Variants in ZFPM2 observed in about 807,000 individuals in gnomAD.
The protein encoded by ZFPM2 is zinc finger protein, FOG family member 2.
ZFPM2 carries 20 observed loss-of-function variants against 98.6 expected under a neutral mutation model. That is an observed-to-expected ratio of 0.20 (90% CI 0.14 to 0.29). The LOEUF (loss-of-function observed/expected upper bound fraction) is 0.29. Ranked by LOEUF, ZFPM2 falls within the 10% of genes least tolerant of loss-of-function variation. ZFPM2 has a pLI of 1.00. For missense variants in ZFPM2, 1,310 were observed against 1,388.6 expected, an observed-to-expected ratio of 0.94 and a Z score of 0.90; for synonymous variants, 518 against 502.7, an observed-to-expected ratio of 1.03 and a Z score of -0.41.
intron 1 of ZFPM2, among the ~76,000 whole-genome samples, chr8:105,411,964 T>C (rs546101959): frequency 2.0e-5 from 3 of 151,988 alleles, no homozygotes; most frequent in South Asian, 2.1e-4. Flanking sequence ...GGCTTGCACA[T>C]GTTCTAAGAA....
At chr8:105,330,617 T>TATATATAC (rs1563606955) in intron 1 of ZFPM2, among the ~76,000 whole-genome samples, 1 of 58,870 alleles carries the variant, frequency 1.7e-5, no homozygotes, top group African/African-American at 1.0e-4. Flanking sequence ...TATACACATA[T>TATATATAC]ATATATATAT....
chr8:105,629,575 T>C (rs560042671), intron 4 of ZFPM2, among the ~76,000 whole-genome samples: 1 of 152,284 alleles, frequency 6.6e-6, no homozygotes, highest in East Asian at 1.9e-4. Context: ...ATCAGAAATA[T>C]GAGTACAGAT....
intron 4 of ZFPM2, among the ~76,000 whole-genome samples, chr8:105,606,939 C>T (rs999758950): frequency 7.2e-5 from 11 of 152,082 alleles, no homozygotes; most frequent in Admixed American, 6.6e-4. Flanking sequence ...ATAAGTTTGT[C>T]TTCAACTGGC....
rs993960953 is a variant in ZFPM2, at chr8:105,568,157, T to TA, written c.420+6683dup. On this transcript the variant is annotated intron_variant, in intron 4 of 7. Coordinates refer to ENST00000407775, the MANE Select transcript of ZFPM2 (RefSeq NM_012082.4). ...TACTAATTTACAAATGACATTTAAATAAAAAAATCTCTAACCTTGGCTTTT... is the reference window on the plus strand; with the variant it reads ...TACTAATTTACAAATGACATTTAAATAAAAAAAATCTCTAACCTTGGCTTTT... Among the ~76,000 whole-genome samples the TA allele has an allele frequency of 6.2e-4, 94 of 152,170 alleles. 1 individual carries two copies. The highest frequency in any genetic ancestry group is 2.1e-3 in the African/African-American group (88 of 41,484).
intron 5 of ZFPM2, among the ~76,000 whole-genome samples, chr8:105,646,737 C>G (rs1586171534): frequency 6.6e-6 from 1 of 152,110 alleles, no homozygotes; most frequent in East Asian, 1.9e-4. Flanking sequence ...CAACAGTCCC[C>G]CGAGATTTAT....
At chr8:105,398,054 T>A (rs1192699905) in intron 1 of ZFPM2, among the ~76,000 whole-genome samples, 3 of 152,094 alleles carry the variant, frequency 2.0e-5, no homozygotes, top group African/African-American at 7.2e-5. Context: ...ATGTATTTTT[T>A]AAAAAAATTA....
intron 6 of ZFPM2, among the ~76,000 whole-genome samples, chr8:105,791,732 C>G (rs1390815025): frequency 6.6e-6 from 1 of 151,872 alleles, no homozygotes; most frequent in Non-Finnish European, 1.5e-5. Context: ...GACTCTTTTT[C>G]ATTGGTAAGC....
At chr8:105,695,441 C>T (rs776803182) in intron 5 of ZFPM2, among the ~76,000 whole-genome samples, 3 of 93,454 alleles carry the variant, frequency 3.2e-5, no homozygotes, top group African/African-American at 8.8e-5. Context: ...TTAGCTCATG[C>T]TTCTTTTTGT....
chr8:105,480,577 A>T (rs1813094883), intron 3 of ZFPM2, among the ~76,000 whole-genome samples: 1 of 152,194 alleles, frequency 6.6e-6, no homozygotes, highest in African/African-American at 2.4e-5. Flanking sequence ...AAAACTATTT[A>T]TTGAACTTAT....
At position 105,796,876 on chromosome 8, in the gene ZFPM2, C is replaced by T. The variant is rs757333689; in HGVS notation, c.740-1848C>T. The stretch of plus-strand genomic sequence containing the variant: ...CCCTCTGGATGGTGACTCCTTTCCT[C>T]TACGAAAGTCCTGAGTTTGCACAAT... On this transcript the variant is annotated intron_variant, in intron 6 of 7. Transcript: ENST00000407775. 3 of 152,206 alleles carry T rather than the reference C, an allele frequency of 2.0e-5. No homozygotes were observed. The East Asian group carries it at 5.8e-4, about 29-fold the overall frequency. The allele number at this position is 152,206 out of a possible 1,614,324, so 9.4% of individuals were successfully genotyped here. A position where few individuals can be genotyped will look rare whatever the true frequency, so the allele number is the denominator to read the frequency against.
At chr8:105,434,023 A>C (rs1024568618) in intron 2 of ZFPM2, among the ~76,000 whole-genome samples, 1 of 152,216 alleles carries the variant, frequency 6.6e-6, no homozygotes, top group Non-Finnish European at 1.5e-5. Flanking sequence ...AAGAAGTCAC[A>C]TGCATTTTTA....
chr8:105,341,466 A>C (rs948799395), intron 1 of ZFPM2, among the ~76,000 whole-genome samples: 9 of 151,976 alleles, frequency 5.9e-5, no homozygotes, highest in African/African-American at 2.2e-4. Flanking sequence ...AATATATACT[A>C]TTACTGTAAG....
intron 5 of ZFPM2, among the ~76,000 whole-genome samples, chr8:105,745,842 C>G (rs981431191): frequency 6.6e-6 from 1 of 152,102 alleles, no homozygotes; most frequent in African/African-American, 2.4e-5. Flanking sequence ...TCACTGTAAC[C>G]TCTGCCTCTG....
intron 3 of ZFPM2, among the ~76,000 whole-genome samples, chr8:105,542,344 A>C (rs1466188062): frequency 6.6e-6 from 1 of 151,998 alleles, no homozygotes; most frequent in African/African-American, 2.4e-5. Context: ...TCAGTTGTTG[A>C]TTGTTTTTAT....
chr8:105,585,554 C>A (rs186509984), intron 4 of ZFPM2, among the ~76,000 whole-genome samples: 14 of 152,234 alleles, frequency 9.2e-5, no homozygotes, highest in Admixed American at 5.2e-4. Flanking sequence ...TAAAGAAGTG[C>A]CAGACACAAT....
chr8:105,345,221 T>G (rs2129682161), intron 1 of ZFPM2, among the ~76,000 whole-genome samples: 1 of 152,130 alleles, frequency 6.6e-6, no homozygotes, highest in South Asian at 2.1e-4. Context: ...ACAGAAGAAT[T>G]TTTCCCCTAT....
At position 105,741,659 on chromosome 8, in the gene ZFPM2, T is replaced by C. The variant is rs946696688; in HGVS notation, c.533-47059T>C. On this transcript the variant is annotated intron_variant, in intron 5 of 7. Coordinates refer to ENST00000407775, the MANE Select transcript of ZFPM2 (RefSeq NM_012082.4). ...AATTTTCTTAGTGGATAAGGAGGCA[T>C]GGTTGAGAGAGAATGGATGGGGAAT... Among the ~76,000 whole-genome samples, 3 of 152,046 alleles carry C rather than the reference T, an allele frequency of 2.0e-5. No individual in the cohort carries two copies. The East Asian group carries it at 5.8e-4, about 30-fold the overall frequency.
At chr8:105,709,980 T>A (rs1355216797) in intron 5 of ZFPM2, among the ~76,000 whole-genome samples, 2 of 152,134 alleles carry the variant, frequency 1.3e-5, no homozygotes, top group Admixed American at 6.5e-5. Flanking sequence ...TTATTTTTTT[T>A]AAGTCTGCTT....
chr8:105,684,032 T>C (rs1262384014), intron 5 of ZFPM2, among the ~76,000 whole-genome samples: 4 of 152,136 alleles, frequency 2.6e-5, no homozygotes, highest in Non-Finnish European at 5.9e-5. Context: ...ATCATGATAA[T>C]GTAGAGTAAT....
Sources: allele counts gnomAD v4.1 joint callset (sites outside exome capture counted in the v4.1 genomes callset), GRCh38; gene constraint gnomAD v4.1.1; transcripts MANE v1.5; gene names NCBI Gene and HGNC (gene_info 2026-07-23, HGNC 2026-07-21).